Variants in XPNPEP1 observed in about 807,000 individuals in gnomAD.
XPNPEP1 encodes xaa-Pro aminopeptidase 1.
In XPNPEP1, 39 loss-of-function variants were observed where a neutral mutation model predicts 92.4. The observed-to-expected ratio is 0.42, with a 90% CI of 0.33 to 0.55. The LOEUF (loss-of-function observed/expected upper bound fraction) is 0.55, where lower values mean the gene tolerates loss of function less well. Among genes scored for constraint, XPNPEP1 ranks in the 20% least tolerant of loss-of-function variants. XPNPEP1 has a pLI of 0.08. For missense variants in XPNPEP1, 654 were observed against 856.1 expected (o/e 0.76, Z 2.95); for synonymous variants, 307 against 299.4 (o/e 1.03, Z -0.26).
chr10:109,880,276 G>GA (rs764801028), intron 11 of XPNPEP1, 38 bp from the exon 12 acceptor site: 1 of 1,607,470 alleles, frequency 6.2e-7, no homozygotes, highest in African/African-American at 1.3e-5. Context: ...AGTTATCACT[G>GA]AAAATCACGT....
At chr10:109,898,636 C>G (rs1849112221) in intron 3 of XPNPEP1, among the ~76,000 whole-genome samples, 1 of 152,200 alleles carries the variant, frequency 6.6e-6, no homozygotes, top group African/African-American at 2.4e-5. Flanking sequence ...CCCAATTAGC[C>G]TAATGGCAGG....
intron 5 of XPNPEP1, among the ~76,000 whole-genome samples, chr10:109,889,069 G>A (rs1848563352): frequency 6.6e-6 from 1 of 152,228 alleles, no homozygotes; most frequent in Non-Finnish European, 1.5e-5. Context: ...CATCTGCAAG[G>A]GCAGGGTGGC....
intron 3 of XPNPEP1, chr10:109,894,068 C>T (rs1848845826): frequency 6.6e-6 from 1 of 152,254 alleles, no homozygotes; most frequent in African/African-American, 2.4e-5. Flanking sequence ...TACAGAGCTG[C>T]TGCTCCTTCT....
intron 5 of XPNPEP1, among the ~76,000 whole-genome samples, chr10:109,889,997 T>C (rs1187227606): frequency 6.6e-6 from 1 of 152,198 alleles, no homozygotes; most frequent in African/African-American, 2.4e-5. Context: ...CTACATAATA[T>C]AACTTTCACA....
Position 109,870,845 on chromosome 10 carries a change from G to T in XPNPEP1, c.1582C>A (p.His528Asn). 1 of 1,614,146 alleles carries T rather than the reference G, an allele frequency of 6.2e-7. No individual in the cohort carries two copies. Among genetic ancestry groups the T allele is most frequent in the Middle Eastern group, 1.6e-4 (1 of 6,062 alleles). Residue 528 changes from histidine to asparagine, a missense_variant, in exon 18 of 21, where the codon CAC becomes AAC. His to Asn is a moderately conservative substitution (Grantham distance 68). Transcript: ENST00000502935. The part of the protein sequence containing the change: ...ALWDSGLDYL[H>N]GTGHGVGSFL... ...GACCCAACACCATGTCCAGTCCCGT[G>T]CAAGTAATCTAGGCCTGAATCCCAT...
chr10:109,916,202 T>C (rs1053297924), intron 1 of XPNPEP1, among the ~76,000 whole-genome samples: 1 of 152,190 alleles, frequency 6.6e-6, no homozygotes, highest in Non-Finnish European at 1.5e-5. Flanking sequence ...ACAGCCTCTA[T>C]TATAACAGAC....
intron 2 of XPNPEP1, among the ~76,000 whole-genome samples, chr10:109,912,759 T>C (rs1210215984): frequency 6.6e-6 from 1 of 152,258 alleles, no homozygotes; most frequent in Non-Finnish European, 1.5e-5. Flanking sequence ...AAATGCAATG[T>C]GATAAATTGT....
chr10:109,869,691 G>A (rs1847339355), intron 19 of XPNPEP1, among the ~76,000 whole-genome samples: 1 of 152,180 alleles, frequency 6.6e-6, no homozygotes, highest in Admixed American at 6.5e-5. Flanking sequence ...CTAGATCCCA[G>A]TTCATTAAGG....
intron 3 of XPNPEP1, among the ~76,000 whole-genome samples, chr10:109,895,024 ACT>A (rs934232100): frequency 4.8e-4 from 73 of 152,300 alleles, no homozygotes; most frequent in African/African-American, 1.5e-3. Context: ...GTCTTTCAAA[ACT>A]CACCAGAAAC....
At chr10:109,893,169 T>C (rs899935065) in intron 3 of XPNPEP1, 94 bp from the exon 4 acceptor site, 3 of 1,219,164 alleles carry the variant, frequency 2.5e-6, no homozygotes, top group African/African-American at 3.0e-5. Context: ...GCGGGGACTA[T>C]GAAGACTGGG....
chr10:109,880,723 G>A, intron 11 of XPNPEP1, 119 bp downstream of exon 11: 2 of 898,226 alleles, frequency 2.2e-6, no homozygotes, highest in Non-Finnish European at 3.4e-6. Context: ...GGAAGGCCAG[G>A]AGGCTGAGGC....
At chr10:109,919,609 TAA>T (rs1292392340) in intron 1 of XPNPEP1, among the ~76,000 whole-genome samples, 3 of 152,136 alleles carry the variant, frequency 2.0e-5, no homozygotes, top group Non-Finnish European at 2.9e-5. Context: ...TATATCCTTA[TAA>T]AAAGTTGTAC....
chr10:109,892,327 C>A (rs749950221), intron 4 of XPNPEP1, among the ~76,000 whole-genome samples: 1 of 152,164 alleles, frequency 6.6e-6, no homozygotes, highest in Non-Finnish European at 1.5e-5. Flanking sequence ...ATCTGCCCTC[C>A]GTTCCCACAG....
chr10:109,866,161 T>C (rs1277149234), intron 20 of XPNPEP1, among the ~76,000 whole-genome samples: 1 of 152,180 alleles, frequency 6.6e-6, no homozygotes, highest in African/African-American at 2.4e-5. Context: ...TTGTCATAAA[T>C]GAGTCAAAGG....
intron 3 of XPNPEP1, among the ~76,000 whole-genome samples, chr10:109,906,414 T>TA (rs781238471): frequency 6.6e-6 from 1 of 152,128 alleles, no homozygotes; most frequent in Non-Finnish European, 1.5e-5. Flanking sequence ...GAGAAACTGA[T>TA]ATGCAGCAAG....
chr10:109,894,583 C>G (rs1210796229), intron 3 of XPNPEP1, among the ~76,000 whole-genome samples: 1 of 150,810 alleles, frequency 6.6e-6, no homozygotes, highest in Non-Finnish European at 1.5e-5. Flanking sequence ...CTGCCTCTTT[C>G]ACCAAGGCAC....
At chr10:109,870,201 T>C (rs899175392) in intron 18 of XPNPEP1, among the ~76,000 whole-genome samples, 172 bp from the exon 19 acceptor site, 4 of 152,204 alleles carry the variant, frequency 2.6e-5, no homozygotes, top group African/African-American at 9.7e-5. Flanking sequence ...ATATGGCCAC[T>C]TTTTTATAGG....
At position 109,867,038 on chromosome 10, in the gene XPNPEP1, ATG is replaced by A. The variant is rs1377993087; in HGVS notation, c.1872+1574_1872+1575del. ...AAATGCCTCCTGATGGGTACACTTT[ATG>A]TGGACAGGAAGGACTGCATGACCTA... is the stretch of plus-strand genomic sequence containing the variant. On this transcript the variant is annotated intron_variant, in intron 20 of 20. Transcript: ENST00000502935. This position sits in a 1 kb window ranked among gnomAD's most constrained non-coding sequence, Gnocchi z 4.5. Among the ~76,000 whole-genome samples the A allele has an allele frequency of 6.6e-6, 1 of 152,230 alleles. No individual in the cohort carries two copies. The highest frequency in any genetic ancestry group is 2.4e-5 in the African/African-American group (1 of 41,466).
chr10:109,891,754 T>C lies in XPNPEP1; in HGVS notation c.383A>G (p.Gln128Arg). The C allele has an allele frequency of 6.3e-7, 1 of 1,593,146 alleles. No homozygotes were observed. The highest frequency in any genetic ancestry group is 8.5e-7 in the Non-Finnish European group (1 of 1,173,634). ...DGRYFLQAAK[Q>R]MDSNWTLMKM... ...CATAAGTGTCCAGTTGCTGTCCATT[T>C]GCTTGGCAGCCTGGAGAAAGTAGCG... is the stretch of plus-strand genomic sequence containing the variant. Residue 128 changes from glutamine to arginine, a missense_variant, in exon 5 of 21, where the codon CAA becomes CGA. Transcript: ENST00000502935.
Sources: allele counts gnomAD v4.1 joint callset (sites outside exome capture counted in the v4.1 genomes callset), GRCh38; gene constraint gnomAD v4.1.1; non-coding constraint Gnocchi (gnomAD v3.1); transcripts MANE v1.5; gene names NCBI Gene and HGNC (gene_info 2026-07-23, HGNC 2026-07-21).